The following SLC24A2 variants were observed in gnomAD, a reference collection of about 807,000 sequenced individuals.
SLC24A2 encodes the protein sodium/potassium/calcium exchanger 2.
SLC24A2 carries 36 observed loss-of-function variants against 62.0 expected under a neutral mutation model. The observed-to-expected ratio is 0.58, with a 90% CI of 0.44 to 0.77. The LOEUF (loss-of-function observed/expected upper bound fraction) is 0.77. SLC24A2 is among the 30% of genes least tolerant of loss of function. The pLI, the probability that SLC24A2 is intolerant of heterozygous loss-of-function variation, is 0.00. For missense variants in SLC24A2, 846 were observed against 817.9 expected (o/e 1.03, Z -0.42); for synonymous variants, 358 against 294.0 (o/e 1.22, Z -2.23).
chr9:19,542,897 CTTT>C (rs1423400373), intron 8 of SLC24A2, among the ~76,000 whole-genome samples: 1 of 152,078 alleles, frequency 6.6e-6, no homozygotes, highest in African/African-American at 2.4e-5. Flanking sequence ...CTGAAATTTT[CTTT>C]TTTTGTTGTG....
the SLC24A2 span, among the ~76,000 whole-genome samples, chr9:20,047,530 T>C: frequency 6.7e-6 from 1 of 148,316 alleles, no homozygotes; most frequent in African/African-American, 2.5e-5. Flanking sequence ...TTATTTCTTA[T>C]GTTTCTGAAG....
At chr9:19,563,837 C>T (rs1192656304) in intron 7 of SLC24A2, among the ~76,000 whole-genome samples, 3 of 78,660 alleles carry the variant, frequency 3.8e-5, no homozygotes, top group East Asian at 3.7e-4. Context: ...TCCCTCCCTC[C>T]CTCCCTCCCT....
At chr9:19,520,624 G>C (rs1336650157) in intron 10 of SLC24A2, among the ~76,000 whole-genome samples, 1 of 151,940 alleles carries the variant, frequency 6.6e-6, no homozygotes, top group Non-Finnish European at 1.5e-5. Context: ...TGTTATATAA[G>C]TGAAATTCTA....
the SLC24A2 span, among the ~76,000 whole-genome samples, chr9:20,302,307 G>A: frequency 5.9e-5 from 9 of 152,278 alleles, no homozygotes; most frequent in Admixed American, 2.6e-4. Flanking sequence ...CTGGCAAACC[G>A]TCTTCCCAAA....
chr9:19,576,356 G>C (rs181813657), intron 6 of SLC24A2, among the ~76,000 whole-genome samples: 2 of 152,284 alleles, frequency 1.3e-5, no homozygotes, highest in East Asian at 3.9e-4. Flanking sequence ...TTGTCATACA[G>C]GAGCTCTGCA....
At chr9:19,917,853 T>C in the SLC24A2 span, among the ~76,000 whole-genome samples, 3 of 152,156 alleles carry the variant, frequency 2.0e-5, no homozygotes, top group Admixed American at 6.5e-5. Flanking sequence ...TTTCAAATAT[T>C]AGTAGAATAT....
chr9:20,014,847 G>A, the SLC24A2 span, among the ~76,000 whole-genome samples: 1 of 151,980 alleles, frequency 6.6e-6, no homozygotes, highest in African/African-American at 2.4e-5. Flanking sequence ...CAATAGCTAT[G>A]TATTATATAT....
chr9:20,104,875 A>G, the SLC24A2 span, among the ~76,000 whole-genome samples: 2 of 152,242 alleles, frequency 1.3e-5, no homozygotes, highest in Non-Finnish European at 1.5e-5. Flanking sequence ...TAAATGGACT[A>G]AATGCTCCAA....
chr9:20,005,121 G>C, the SLC24A2 span, among the ~76,000 whole-genome samples: 1 of 152,120 alleles, frequency 6.6e-6, no homozygotes, highest in East Asian at 1.9e-4. Context: ...AGGGTGTCTA[G>C]AGAAAAGTGT....
At chr9:20,097,961 C>T in the SLC24A2 span, among the ~76,000 whole-genome samples, 4 of 151,794 alleles carry the variant, frequency 2.6e-5, no homozygotes, top group South Asian at 8.3e-4. Context: ...CCAGTATGGT[C>T]TCGATCTCCT....
intron 9 of SLC24A2, among the ~76,000 whole-genome samples, chr9:19,524,418 C>CAAAAAAAAAAAAAAAAAAACAAAAGAA (rs34416897): frequency 8.4e-6 from 1 of 119,056 alleles, no homozygotes; most frequent in Admixed American, 8.4e-5. Flanking sequence ...AAGATAAAGG[C>CAAAAAAAAAAAAAAAAAAACAAAAGAA]AAAAAAAAAA....
rs937972424 is a variant in SLC24A2, at chr9:19,510,846, T to C, written c.*5307A>G. 1 of 152,320 alleles carries C rather than the reference T, an allele frequency of 6.6e-6. No individual in the cohort carries two copies. Among genetic ancestry groups the C allele is most frequent in the African/African-American group, 2.4e-5 (1 of 41,456 alleles). 9.4% of individuals were successfully genotyped at this position (152,320 alleles called of 1,614,324 possible). A position where few individuals can be genotyped will look rare whatever the true frequency, so the allele number is the denominator to read the frequency against. ...CTAGCCTGTCGTAATTGCAGGGTCA[T>C]TTTTGCCTCTCGAATGCTGCCTGAC... On this transcript the variant is annotated 3_prime_UTR_variant, in exon 11 of 11. Coordinates refer to ENST00000341998, the MANE Select transcript of SLC24A2 (RefSeq NM_020344.4).
chr9:20,101,007 A>C, the SLC24A2 span, among the ~76,000 whole-genome samples: 2 of 152,206 alleles, frequency 1.3e-5, no homozygotes, highest in Admixed American at 1.3e-4. Flanking sequence ...CCTTGAAACT[A>C]TGGTCTCATT....
the SLC24A2 span, among the ~76,000 whole-genome samples, chr9:19,941,251 C>A: frequency 6.7e-6 from 1 of 150,324 alleles, no homozygotes; most frequent in Non-Finnish European, 1.5e-5. Flanking sequence ...TAAAAAAAAT[C>A]TGAAAATAAA....
the SLC24A2 span, among the ~76,000 whole-genome samples, chr9:19,870,599 T>C: frequency 2.0e-5 from 3 of 152,268 alleles, no homozygotes; most frequent in African/African-American, 7.2e-5. Context: ...TTTTCCACAG[T>C]GGCTGTACCA....
chr9:20,139,826 A>G, the SLC24A2 span, among the ~76,000 whole-genome samples: 5 of 152,216 alleles, frequency 3.3e-5, no homozygotes, highest in African/African-American at 1.2e-4. Flanking sequence ...CCATTAAATT[A>G]AAAAGCACTG....
At chr9:19,977,113 T>TTTTGTG in the SLC24A2 span, among the ~76,000 whole-genome samples, 1 of 145,220 alleles carries the variant, frequency 6.9e-6, no homozygotes, top group East Asian at 2.0e-4. Flanking sequence ...ATTTCTATAT[T>TTTTGTG]TGTGTGTGTG....
chr9:20,160,041 A>C, the SLC24A2 span, among the ~76,000 whole-genome samples: 1 of 151,466 alleles, frequency 6.6e-6, no homozygotes, highest in African/African-American at 2.4e-5. Context: ...TATGCTGAAC[A>C]TAAGACTCAC....
At chr9:19,980,963 G>A in the SLC24A2 span, among the ~76,000 whole-genome samples, 9 of 152,222 alleles carry the variant, frequency 5.9e-5, no homozygotes, top group South Asian at 1.7e-3. Flanking sequence ...TTCACATTAT[G>A]AAAGTTTTAT....
Sources: gnomAD v4.1 joint callset for allele counts (sites outside exome capture counted in the v4.1 genomes callset) on GRCh38, gnomAD v4.1.1 for gene constraint, MANE v1.5 for transcripts, NCBI Gene and HGNC (gene_info 2026-07-23, HGNC 2026-07-21) for gene names.